Variants in SH3BGRL observed in about 807,000 individuals in gnomAD.
The protein encoded by SH3BGRL is SH3 domain binding glutamate rich protein like.
A neutral mutation model predicts 9.8 loss-of-function variants in SH3BGRL; 7 were observed. That is an observed-to-expected ratio of 0.72 (90% CI 0.41 to 1.35). The LOEUF (loss-of-function observed/expected upper bound fraction) is 1.35, where lower values mean the gene tolerates loss of function less well. Ranked by LOEUF, SH3BGRL falls within the 40% of genes most tolerant of loss-of-function variation. The pLI, the probability that SH3BGRL is intolerant of heterozygous loss-of-function variation, is 0.01. For synonymous variants in SH3BGRL, 36 were observed against 29.1 expected (o/e 1.24, Z -0.76); for missense variants, 73 against 84.4 (o/e 0.86, Z 0.53).
At position 81,276,348 on chromosome X, in the gene SH3BGRL, C is replaced by T. The variant is rs181486168; in HGVS notation, c.46-636C>T. Among the ~76,000 whole-genome samples, 10 of 108,845 alleles carry T rather than the reference C, an allele frequency of 9.2e-5. No individual in the cohort carries two copies. The East Asian group carries it at 2.7e-3, about 29-fold the overall frequency. 94.5% of individuals were successfully genotyped at this position (108,845 alleles called of 115,157 possible). A position where few individuals can be genotyped will look rare whatever the true frequency, so the allele number is the denominator to read the frequency against. ...AAGGTAATGACCAAAACTGCAATTA[C>T]TTTTGCACCAACCTAATACATAATA... On this transcript the variant is annotated intron_variant, in intron 1 of 3. Transcript: ENST00000373212.
rs138812957 is a variant in SH3BGRL at position 81,237,647 on chromosome X, G to A, written c.45+35402G>A. Among the ~76,000 whole-genome samples the A allele has an allele frequency of 9.5e-3, 1,046 of 110,589 alleles. 14 individuals are homozygous for A. Among genetic ancestry groups the A allele is most frequent in the African/African-American group, 0.032 (979 of 30,364 alleles). ...TTGCCCTGGGTCTTTAAGTAAACTT[G>A]AAAGGCAGGCTAGGCTACAAGGGCT... On this transcript the variant is annotated intron_variant, in intron 1 of 3. Coordinates refer to ENST00000373212, the MANE Select transcript of SH3BGRL (RefSeq NM_003022.3).
At chrX:81,259,178 G>T (rs1054564276) in intron 1 of SH3BGRL, among the ~76,000 whole-genome samples, 1 of 111,909 alleles carries the variant, frequency 8.9e-6, no homozygotes, top group African/African-American at 3.2e-5. Flanking sequence ...ACATCAGCCT[G>T]TTTGAAGGTT....
At chrX:81,233,876 A>G (rs2075639994) in intron 1 of SH3BGRL, among the ~76,000 whole-genome samples, 1 of 111,875 alleles carries the variant, frequency 8.9e-6, no homozygotes, top group Non-Finnish European at 1.9e-5. Context: ...CTGGTAAACA[A>G]AAAGTTTGAA....
chrX:81,295,497 C>T (rs1033007787), intron 3 of SH3BGRL, among the ~76,000 whole-genome samples: 21 of 111,436 alleles, frequency 1.9e-4, no homozygotes, highest in Admixed American at 5.7e-4. Flanking sequence ...CCATGTGGGA[C>T]TGTAAGTCCA....
At chrX:81,294,576 G>T (rs1472011275) in intron 3 of SH3BGRL, among the ~76,000 whole-genome samples, 1 of 110,584 alleles carries the variant, frequency 9.0e-6, no homozygotes, top group African/African-American at 3.3e-5. Flanking sequence ...CAGAGGTGGG[G>T]CTCTCATGGA....
At position 81,260,850 on chromosome X, in the gene SH3BGRL, T is replaced by G. The variant is rs772734164; in HGVS notation, c.46-16134T>G. Among the ~76,000 whole-genome samples the G allele has an allele frequency of 2.7e-5, 3 of 111,203 alleles. No homozygotes were observed. In the East Asian group the frequency reaches 8.4e-4, roughly 31 times the overall value. On this transcript the variant is annotated intron_variant, in intron 1 of 3. Transcript: ENST00000373212. Reference sequence around the variant, plus strand: ...GATTGAACTATAGCTCCTAACATTATTAGGCAGGAGTCGAACACTGATCCT... The same window carrying G: ...GATTGAACTATAGCTCCTAACATTAGTAGGCAGGAGTCGAACACTGATCCT...
At chrX:81,267,714 C>T (rs7876364) in intron 1 of SH3BGRL, among the ~76,000 whole-genome samples, 1,912 of 111,502 alleles carry the variant, frequency 0.017, 33 homozygotes, top group African/African-American at 0.053. Context: ...GGATGATGCT[C>T]GCCTCATAAA....
chrX:81,273,392 T>G (rs1397928777), intron 1 of SH3BGRL, among the ~76,000 whole-genome samples: 1 of 112,496 alleles, frequency 8.9e-6, no homozygotes, highest in Admixed American at 9.4e-5. Context: ...TATCTATTTC[T>G]AATCTCTCCC....
intron 1 of SH3BGRL, among the ~76,000 whole-genome samples, chrX:81,211,393 G>A (rs2075562848): frequency 9.0e-6 from 1 of 111,428 alleles, no homozygotes; most frequent in Admixed American, 9.5e-5. Flanking sequence ...AGACCATCCT[G>A]GCTAACAGGG....
At chrX:81,261,522 C>G (rs2075741309) in intron 1 of SH3BGRL, among the ~76,000 whole-genome samples, 2 of 110,912 alleles carry the variant, frequency 1.8e-5, no homozygotes, top group African/African-American at 6.6e-5. Flanking sequence ...GATGGAGGAG[C>G]CCATAACATA....
intron 1 of SH3BGRL, among the ~76,000 whole-genome samples, chrX:81,258,159 A>AT (rs940183351): frequency 1.8e-5 from 2 of 111,816 alleles, no homozygotes; most frequent in African/African-American, 6.5e-5. Flanking sequence ...TTTTGATATC[A>AT]TTAACATTTT....
chrX:81,212,061 T>C (rs1202540212), intron 1 of SH3BGRL, among the ~76,000 whole-genome samples: 2 of 110,229 alleles, frequency 1.8e-5, no homozygotes, highest in Admixed American at 9.7e-5. Context: ...GATTCAGTAG[T>C]TGGGGTGAAA....
rs182024185 is a variant in SH3BGRL, at chrX:81,289,279, A to T, written c.313-7916A>T. On this transcript the variant is annotated intron_variant, in intron 3 of 3. Transcript: ENST00000373212. ...TTGCCATATACAAAAACCATTTCAC[A>T]ATGAAGACTTAAATCTAATACCTCA... Among the ~76,000 whole-genome samples the T allele has an allele frequency of 2.5e-3, 276 of 112,147 alleles. 7 individuals carry two copies. The Admixed American group carries it at 0.026, about 11-fold the overall frequency.
Position 81,297,215 on chromosome X carries a change from G to C in SH3BGRL, c.333G>C (p.Lys111Asn). ...PGSKEAEVQA[K>N]QQA ...TTCAGGAAGCAGAAGTGCAAGCAAA[G>C]CAGCAAGCATGAACCTTAAGCACTG... Residue 111 changes from lysine (K) to asparagine (N), a missense_variant, in exon 4 of 4, where the codon AAG becomes AAC. Transcript: ENST00000373212. The C allele has an allele frequency of 8.3e-7, 1 of 1,208,053 alleles. No homozygotes were observed. The highest frequency in any genetic ancestry group is 1.1e-6 in the Non-Finnish European group (1 of 892,800).
intron 3 of SH3BGRL, among the ~76,000 whole-genome samples, chrX:81,279,729 A>T (rs1452925879): frequency 1.8e-5 from 2 of 110,893 alleles, no homozygotes; most frequent in Admixed American, 9.6e-5. Flanking sequence ...CACCATAGGG[A>T]TCCATCGGGA....
At chrX:81,253,375 A>T (rs2075716571) in intron 1 of SH3BGRL, among the ~76,000 whole-genome samples, 1 of 110,445 alleles carries the variant, frequency 9.1e-6, no homozygotes, top group Admixed American at 9.6e-5. Context: ...TATTTTTCTG[A>T]GATAGTCTTG....
chrX:81,222,029 C>T (rs1330328957), intron 1 of SH3BGRL, among the ~76,000 whole-genome samples: 1 of 112,028 alleles, frequency 8.9e-6, no homozygotes, highest in Admixed American at 9.4e-5. Flanking sequence ...TCAATTTTCT[C>T]TTAGTAAATT....
At chrX:81,289,306 A>C (rs1187679811) in intron 3 of SH3BGRL, among the ~76,000 whole-genome samples, 6 of 111,993 alleles carry the variant, frequency 5.4e-5, no homozygotes, top group Admixed American at 2.8e-4. Context: ...AATACCTCAA[A>C]CTATGAAATG....
intron 3 of SH3BGRL, among the ~76,000 whole-genome samples, chrX:81,290,808 G>T: frequency 9.0e-6 from 1 of 110,803 alleles, no homozygotes; most frequent in Admixed American, 9.6e-5. Flanking sequence ...TCCATTGCAT[G>T]CCTGTATCAA....
Sources: gnomAD v4.1 joint callset for allele counts (sites outside exome capture counted in the v4.1 genomes callset) on GRCh38, gnomAD v4.1.1 for gene constraint, MANE v1.5 for transcripts, NCBI Gene and HGNC (gene_info 2026-07-23, HGNC 2026-07-21) for gene names.